The following DPP10 variants were observed in gnomAD, a reference collection of about 807,000 sequenced individuals.
The protein encoded by DPP10 is dipeptidyl peptidase like 10, also known as inactive dipeptidyl peptidase 10.
Under a neutral mutation model 120.9 loss-of-function variants are expected in DPP10, and 33 were observed. The observed-to-expected ratio is 0.27, with a 90% confidence interval of 0.21 to 0.37. The LOEUF is 0.37. Among genes scored for constraint, DPP10 ranks in the 10% least tolerant of loss-of-function variants. The pLI, the probability that DPP10 is intolerant of heterozygous loss-of-function variation, is 1.00. For synonymous variants in DPP10, 337 were observed against 326.1 expected, an observed-to-expected ratio of 1.03 and a Z score of -0.36; for missense variants, 816 against 942.8, an observed-to-expected ratio of 0.87 and a Z score of 1.76.
Position 115,746,072 on chromosome 2 carries a change from T to G in DPP10, c.853-14T>G. ...GCTTAATGTACTTGCAATACAACTT[T>G]CATTTTCTCAAAGGCAGGTCAAGTG... is the stretch of plus-strand genomic sequence containing the variant. On this transcript the variant is annotated splice_polypyrimidine_tract_variant and intron_variant, in intron 9 of 25. Coordinates refer to ENST00000410059, the MANE Select transcript of DPP10 (RefSeq NM_020868.6). 6.3e-7 allele frequency: 1 copy of G among 1,581,050 alleles called. No individual in the cohort carries two copies. The highest frequency in any genetic ancestry group is 1.9e-5 in the Admixed American group (1 of 54,052).
At chr2:115,597,599 A>G (rs1575289627) in intron 5 of DPP10, among the ~76,000 whole-genome samples, 1 of 150,496 alleles carries the variant, frequency 6.6e-6, no homozygotes, top group East Asian at 1.9e-4. Context: ...TATATATTTC[A>G]TTTACATATA....
intron 1 of DPP10, among the ~76,000 whole-genome samples, chr2:115,224,829 A>G (rs1453057778): frequency 2.6e-5 from 4 of 152,188 alleles, no homozygotes; most frequent in African/African-American, 9.6e-5. Context: ...TGGGTGACAA[A>G]TATTGAATGC....
chr2:114,993,580 G>GTGTATATATA (rs71394121), intron 1 of DPP10, among the ~76,000 whole-genome samples: 118 of 97,342 alleles, frequency 1.2e-3, no homozygotes, highest in East Asian at 9.0e-3. Context: ...GTGTGTGTGT[G>GTGTATATATA]TATATATATA....
At chr2:114,562,877 G>A (rs1305443878) in intron 1 of DPP10, among the ~76,000 whole-genome samples, 2 of 152,116 alleles carry the variant, frequency 1.3e-5, no homozygotes, top group African/African-American at 4.8e-5. Flanking sequence ...AAAATTTGGT[G>A]TATGTTTAGA....
intron 1 of DPP10, among the ~76,000 whole-genome samples, chr2:114,523,262 C>T (rs942910251): frequency 6.6e-6 from 1 of 152,166 alleles, no homozygotes; most frequent in Non-Finnish European, 1.5e-5. Context: ...TTTGTTCCCT[C>T]CTTTCAATCA....
intron 1 of DPP10, among the ~76,000 whole-genome samples, chr2:114,456,591 A>G (rs1678599509): frequency 6.6e-6 from 1 of 152,250 alleles, no homozygotes; most frequent in Non-Finnish European, 1.5e-5. Flanking sequence ...TAACATGAAG[A>G]AGGAAATGTA....
At chr2:114,929,004 TAAAGAG>T (rs1446265603) in intron 1 of DPP10, among the ~76,000 whole-genome samples, 1 of 151,864 alleles carries the variant, frequency 6.6e-6, no homozygotes, top group African/African-American at 2.4e-5. Flanking sequence ...GTCTGAGAAA[TAAAGAG>T]AAAGAGTACA....
chr2:115,280,994 A>G (rs139464936), intron 1 of DPP10, among the ~76,000 whole-genome samples: 19 of 152,268 alleles, frequency 1.2e-4, no homozygotes, highest in South Asian at 1.0e-3. Context: ...CTGGAATCCA[A>G]TCCTCATAAA....
intron 1 of DPP10, among the ~76,000 whole-genome samples, chr2:115,069,477 C>T (rs1707195430): frequency 1.3e-5 from 2 of 152,114 alleles, no homozygotes; most frequent in Non-Finnish European, 2.9e-5. Context: ...GTCATGCCAT[C>T]TGCAAAGAGA....
intron 7 of DPP10, 107 bp downstream of exon 7, chr2:115,690,028 T>C: frequency 2.9e-6 from 3 of 1,041,486 alleles, no homozygotes; most frequent in Non-Finnish European, 4.2e-6. Flanking sequence ...TACAAAACTT[T>C]ATGTTTCCCT....
intron 1 of DPP10, among the ~76,000 whole-genome samples, chr2:115,062,674 G>T (rs1706511639): frequency 6.6e-6 from 1 of 152,172 alleles, no homozygotes; most frequent in African/African-American, 2.4e-5. Context: ...GTTTGCTGAG[G>T]ATAATGGCTT....
At chr2:114,452,005 CTTATTAATATAT>C (rs1558770792) in intron 1 of DPP10, among the ~76,000 whole-genome samples, 1 of 152,152 alleles carries the variant, frequency 6.6e-6, no homozygotes, top group Non-Finnish European at 1.5e-5. Context: ...TTATTAATAA[CTTATTAATATAT>C]GGTCTTTAAA....
At chr2:115,769,986 CA>C (rs1681259950) in intron 13 of DPP10, among the ~76,000 whole-genome samples, 1 of 151,972 alleles carries the variant, frequency 6.6e-6, no homozygotes, top group Non-Finnish European at 1.5e-5. Context: ...AGATTACCTA[CA>C]AATTATAGAT....
At chr2:115,752,407 C>A (rs1472191398) in intron 10 of DPP10, among the ~76,000 whole-genome samples, 6 of 152,116 alleles carry the variant, frequency 3.9e-5, no homozygotes, top group African/African-American at 1.4e-4. Context: ...ATAAACTTTC[C>A]AATCACCAGT....
intron 5 of DPP10, among the ~76,000 whole-genome samples, chr2:115,594,644 C>T (rs1388680995): frequency 2.0e-5 from 3 of 152,080 alleles, no homozygotes; most frequent in Non-Finnish European, 2.9e-5. Context: ...AACCTGCTTT[C>T]AAGCATGCCT....
chr2:114,531,420 G>A (rs1558850653), intron 1 of DPP10, among the ~76,000 whole-genome samples: 1 of 151,306 alleles, frequency 6.6e-6, no homozygotes, highest in Non-Finnish European at 1.5e-5. Context: ...AGAAAGAGAA[G>A]GAGAGAGAGA....
intron 3 of DPP10, among the ~76,000 whole-genome samples, chr2:115,465,628 G>C (rs2074281791): frequency 6.6e-6 from 1 of 152,116 alleles, no homozygotes; most frequent in Admixed American, 6.6e-5. Context: ...TTCATGAACA[G>C]CCTGGCCAAC....
At chr2:114,855,227 T>G (rs1689280349) in intron 1 of DPP10, among the ~76,000 whole-genome samples, 1 of 152,192 alleles carries the variant, frequency 6.6e-6, no homozygotes, top group African/African-American at 2.4e-5. Context: ...AGAACTTTAT[T>G]GAGAATACCA....
chr2:115,254,241 A>G (rs1406005563), intron 1 of DPP10, among the ~76,000 whole-genome samples: 1 of 152,164 alleles, frequency 6.6e-6, no homozygotes, highest in Non-Finnish European at 1.5e-5. Flanking sequence ...TGTTCTTCAC[A>G]TGGAGGCAAC....
Sources: gnomAD v4.1 joint callset for allele counts (sites outside exome capture counted in the v4.1 genomes callset) on GRCh38, gnomAD v4.1.1 for gene constraint, MANE v1.5 for transcripts, NCBI Gene and HGNC (gene_info 2026-07-23, HGNC 2026-07-21) for gene names.